TXNDC16: variants seen among roughly 807,000 people sequenced by gnomAD.
TXNDC16 encodes thioredoxin domain containing 16.
A neutral mutation model predicts 85.6 loss-of-function variants in TXNDC16; 74 were observed. The ratio of observed to expected loss-of-function variants is 0.86; its 90% CI spans 0.72 to 1.05. TXNDC16 has a LOEUF of 1.05. Ranked by LOEUF, TXNDC16 falls within the 50% of genes least tolerant of loss-of-function variation. The pLI is 0.00. For missense variants in TXNDC16, 959 were observed against 947.0 expected, an observed-to-expected ratio of 1.01 and a Z score of -0.17; for synonymous variants, 335 against 326.5, an observed-to-expected ratio of 1.03 and a Z score of -0.28.
intron 1 of TXNDC16, among the ~76,000 whole-genome samples, 187 bp downstream of exon 1, chr14:52,552,129 A>G (rs145061050): frequency 6.6e-6 from 1 of 152,252 alleles, no homozygotes; most frequent in African/African-American, 2.4e-5. Flanking sequence ...CCGTTCATGC[A>G]GCGAAAAGAG....
At position 52,529,852 on chromosome 14, in the gene TXNDC16, T is replaced by A. The variant is rs1396486546; in HGVS notation, c.392+6867A>T. On this transcript the variant is annotated intron_variant, in intron 6 of 20. Coordinates refer to ENST00000281741, the MANE Select transcript of TXNDC16 (RefSeq NM_020784.3). ...ATTATTACTATATATAATAAATACC[T>A]ATTATATATAATATGATACCTATTA... Among the ~76,000 whole-genome samples the A allele has an allele frequency of 6.5e-4, 70 of 107,304 alleles. 1 individual carries two copies. Among genetic ancestry groups the A allele is most frequent in the African/African-American group, 2.6e-3 (66 of 25,876 alleles). 70.4% of individuals were successfully genotyped at this position (107,304 alleles called of 152,430 possible).
At chr14:52,507,773 A>G (rs962781027) in intron 9 of TXNDC16, among the ~76,000 whole-genome samples, 3 of 152,266 alleles carry the variant, frequency 2.0e-5, no homozygotes, top group African/African-American at 7.2e-5. Context: ...ATCTATAAGT[A>G]TCTGATCTTT....
intron 20 of TXNDC16, among the ~76,000 whole-genome samples, chr14:52,434,124 G>C (rs1028587828): frequency 6.6e-6 from 1 of 152,226 alleles, no homozygotes; most frequent in East Asian, 1.9e-4. Context: ...AGATGGTTGA[G>C]GCTGCAATGA....
chr14:52,552,112 T>C (rs1216595365), intron 1 of TXNDC16, among the ~76,000 whole-genome samples: 1 of 152,170 alleles, frequency 6.6e-6, no homozygotes, highest in Non-Finnish European at 1.5e-5. Flanking sequence ...GGCTCCGGTG[T>C]TTCCCGCCGT....
At chr14:52,503,323 C>CA (rs1263563759) in intron 9 of TXNDC16, among the ~76,000 whole-genome samples, 1 of 152,210 alleles carries the variant, frequency 6.6e-6, no homozygotes, top group Admixed American at 6.5e-5. Context: ...AGGTACCCCC[C>CA]AGTAGGGGCA....
intron 14 of TXNDC16, among the ~76,000 whole-genome samples, chr14:52,479,577 A>AT (rs1444631624): frequency 6.6e-6 from 1 of 151,962 alleles, no homozygotes; most frequent in Admixed American, 6.6e-5. Flanking sequence ...CTGCAAAAAA[A>AT]AAAAATAATA....
At chr14:52,537,454 C>A (rs2037729883) in intron 5 of TXNDC16, 145 bp downstream of exon 5, 2 of 641,684 alleles carry the variant, frequency 3.1e-6, no homozygotes, top group Non-Finnish European at 5.5e-6. Flanking sequence ...GGTTAGGTAA[C>A]AAATCTATTA....
chr14:52,474,517 TGGATTA>T (rs1213994452), intron 14 of TXNDC16, among the ~76,000 whole-genome samples: 7 of 152,086 alleles, frequency 4.6e-5, no homozygotes, highest in African/African-American at 7.2e-5. Flanking sequence ...CTGAGGCAGG[TGGATTA>T]CCTGAGGTCA....
chr14:52,458,286 C>G (rs973666505), intron 16 of TXNDC16, among the ~76,000 whole-genome samples: 1 of 152,116 alleles, frequency 6.6e-6, no homozygotes, highest in African/African-American at 2.4e-5. Flanking sequence ...TGGCCAGGTG[C>G]GGTAGCTCAC....
At chr14:52,470,229 T>TAAAAAAAAA in intron 15 of TXNDC16, 56 bp from the exon 16 acceptor site, 1 of 1,349,634 alleles carries the variant, frequency 7.4e-7, no homozygotes, top group Non-Finnish European at 1.0e-6. Context: ...TTTCAGTTTG[T>TAAAAAAAAA]AAAAAAAAAG....
chr14:52,433,544 T>A (rs1397410189), intron 20 of TXNDC16, among the ~76,000 whole-genome samples: 1 of 152,204 alleles, frequency 6.6e-6, no homozygotes, highest in Non-Finnish European at 1.5e-5. Context: ...TCTCATAAAT[T>A]GAGTATCTTT....
At chr14:52,471,321 T>C (rs1485078812) in intron 14 of TXNDC16, among the ~76,000 whole-genome samples, 1 of 152,250 alleles carries the variant, frequency 6.6e-6, no homozygotes, top group Non-Finnish European at 1.5e-5. Flanking sequence ...ACTCAAGTTG[T>C]CGTTCCTCCT....
chr14:52,463,579 G>A (rs942157534), intron 16 of TXNDC16, among the ~76,000 whole-genome samples: 5 of 152,158 alleles, frequency 3.3e-5, no homozygotes, highest in Non-Finnish European at 7.3e-5. Flanking sequence ...TAGCTGGATT[G>A]GTTACAGCTT....
chr14:52,515,061 C>CT, intron 7 of TXNDC16, 91 bp from the exon 8 acceptor site: 1 of 854,456 alleles, frequency 1.2e-6, no homozygotes, highest in Admixed American at 2.6e-5. Context: ...TCCTACACTC[C>CT]TTTATGTTCT....
At chr14:52,441,502 T>C (rs1594680212) in intron 18 of TXNDC16, among the ~76,000 whole-genome samples, 1 of 151,532 alleles carries the variant, frequency 6.6e-6, no homozygotes, top group East Asian at 1.9e-4. Flanking sequence ...CCAGCTACTC[T>C]GGAGGGTGAG....
At chr14:52,474,030 T>C (rs1159673585) in intron 14 of TXNDC16, among the ~76,000 whole-genome samples, 1 of 152,214 alleles carries the variant, frequency 6.6e-6, no homozygotes, top group Admixed American at 6.5e-5. Context: ...GATATCTGAT[T>C]ACCAAAAAAA....
intron 1 of TXNDC16, among the ~76,000 whole-genome samples, chr14:52,551,557 G>A (rs113042338): frequency 4.0e-5 from 6 of 151,552 alleles, no homozygotes; most frequent in African/African-American, 7.3e-5. Context: ...ACGTAGCAAT[G>A]TCTTTCACAA....
chr14:52,507,896 C>T (rs914537245), intron 9 of TXNDC16, among the ~76,000 whole-genome samples: 2 of 152,110 alleles, frequency 1.3e-5, no homozygotes, highest in African/African-American at 4.8e-5. Context: ...CTTCCTTATA[C>T]CTTATACAAA....
chr14:52,511,990 T>C (rs2036967298), intron 8 of TXNDC16, among the ~76,000 whole-genome samples: 1 of 152,144 alleles, frequency 6.6e-6, no homozygotes, highest in South Asian at 2.1e-4. Flanking sequence ...GGAGATAAGG[T>C]TTGCCAAAAT....
Sources: allele counts gnomAD v4.1 joint callset (sites outside exome capture counted in the v4.1 genomes callset), GRCh38; gene constraint gnomAD v4.1.1; transcripts MANE v1.5; gene names NCBI Gene and HGNC (gene_info 2026-07-23, HGNC 2026-07-21).